Variants in LINGO2 observed in about 807,000 individuals in gnomAD.
The protein encoded by LINGO2 is leucine rich repeat and Ig domain containing 2, also known as leucine-rich repeat and immunoglobulin-like domain-containing nogo receptor-interacting protein 2.
LINGO2 carries 14 observed loss-of-function variants against 30.6 expected under a neutral mutation model. The ratio of observed to expected loss-of-function variants is 0.46; its 90% CI spans 0.30 to 0.72. The LOEUF (loss-of-function observed/expected upper bound fraction) is 0.72. Among genes scored for constraint, LINGO2 ranks in the 30% least tolerant of loss-of-function variants. The pLI is 0.07. For synonymous variants in LINGO2, 317 were observed against 288.5 expected (o/e 1.10, Z -1.00); for missense variants, 729 against 751.7 (o/e 0.97, Z 0.35).
At chr9:28,375,089 AACACACACACACACACACACAC>A (rs137914726) in intron 2 of LINGO2, among the ~76,000 whole-genome samples, 1 of 141,732 alleles carries the variant, frequency 7.1e-6, no homozygotes, top group Non-Finnish European at 1.5e-5. Context: ...CACACCCCTT[AACACACACACACACACACACAC>A]ACACACACAC....
the LINGO2 span, among the ~76,000 whole-genome samples, chr9:28,684,507 T>C: frequency 6.7e-6 from 1 of 149,800 alleles, no homozygotes; most frequent in Non-Finnish European, 1.5e-5. Flanking sequence ...TTTTTTCTTT[T>C]TTTAGATGGA....
the LINGO2 span, among the ~76,000 whole-genome samples, chr9:29,193,862 G>A: frequency 2.0e-5 from 3 of 152,170 alleles, no homozygotes; most frequent in Non-Finnish European, 4.4e-5. Context: ...TATGGGCCAT[G>A]CACCCATGCA....
chr9:28,682,297 C>T, the LINGO2 span, among the ~76,000 whole-genome samples: 1 of 152,320 alleles, frequency 6.6e-6, no homozygotes, highest in South Asian at 2.1e-4. Context: ...ACTATTAACA[C>T]AGTGGTCTTT....
the LINGO2 span, among the ~76,000 whole-genome samples, chr9:28,888,631 A>G: frequency 1.3e-5 from 2 of 152,264 alleles, no homozygotes; most frequent in African/African-American, 2.4e-5. Context: ...TGCTGAGTTT[A>G]CAAAGATAAG....
At chr9:28,986,555 A>G in the LINGO2 span, among the ~76,000 whole-genome samples, 23 of 151,952 alleles carry the variant, frequency 1.5e-4, no homozygotes, top group Non-Finnish European at 2.7e-4. Context: ...TCTTTCATCA[A>G]TGTTTTATAG....
chr9:28,966,136 A>G, the LINGO2 span, among the ~76,000 whole-genome samples: 308 of 152,196 alleles, frequency 2.0e-3, 1 homozygote, highest in Non-Finnish European at 2.9e-3. Context: ...AAAAGTTGAG[A>G]TTGAAAGGCC....
chr9:28,194,124 A>C (rs1044676555), intron 4 of LINGO2, among the ~76,000 whole-genome samples: 1 of 152,198 alleles, frequency 6.6e-6, no homozygotes, highest in Non-Finnish European at 1.5e-5. Context: ...GGGATTGTTG[A>C]AGTCAAATAG....
the LINGO2 span, among the ~76,000 whole-genome samples, chr9:28,875,830 C>A: frequency 6.6e-6 from 1 of 152,048 alleles, no homozygotes; most frequent in Non-Finnish European, 1.5e-5. Flanking sequence ...TTTTAACATA[C>A]CTCTGGTTTT....
At chr9:28,199,463 C>G (rs1820146906) in intron 4 of LINGO2, among the ~76,000 whole-genome samples, 1 of 151,850 alleles carries the variant, frequency 6.6e-6, no homozygotes, top group Non-Finnish European at 1.5e-5. Context: ...CTCAGCCTCC[C>G]GAGTAGCTGG....
At chr9:28,266,643 C>A (rs73429575) in intron 4 of LINGO2, among the ~76,000 whole-genome samples, 1,640 of 152,032 alleles carry the variant, frequency 0.011, 37 homozygotes, top group African/African-American at 0.038. Context: ...TTCCTAATAT[C>A]GAATGCCATC....
chr9:28,988,917 T>C, the LINGO2 span, among the ~76,000 whole-genome samples: 3 of 152,340 alleles, frequency 2.0e-5, no homozygotes, highest in Admixed American at 1.3e-4. Context: ...TTCAAAACTA[T>C]GTTCTGGTCT....
chr9:29,010,551 T>A, the LINGO2 span, among the ~76,000 whole-genome samples: 2 of 152,186 alleles, frequency 1.3e-5, no homozygotes, highest in African/African-American at 4.8e-5. Flanking sequence ...GCACATGTAT[T>A]CCTGTTATAA....
chr9:28,261,640 A>G (rs1009397182), intron 4 of LINGO2, among the ~76,000 whole-genome samples: 3 of 151,900 alleles, frequency 2.0e-5, no homozygotes, highest in Non-Finnish European at 4.4e-5. Flanking sequence ...AAATACCCCT[A>G]GAGACAGAGG....
At chr9:28,821,352 G>A in the LINGO2 span, among the ~76,000 whole-genome samples, 2 of 152,198 alleles carry the variant, frequency 1.3e-5, no homozygotes, top group Non-Finnish European at 2.9e-5. Context: ...CTAAACAAAA[G>A]CTGGGCTGAA....
intron 4 of LINGO2, among the ~76,000 whole-genome samples, chr9:28,015,700 G>A (rs563167931): frequency 2.6e-5 from 4 of 152,142 alleles, no homozygotes; most frequent in Non-Finnish European, 2.9e-5. Flanking sequence ...AATGTACATC[G>A]TGACAAACTA....
the LINGO2 span, among the ~76,000 whole-genome samples, chr9:29,025,517 T>A: frequency 4.6e-5 from 7 of 152,176 alleles, no homozygotes; most frequent in African/African-American, 1.7e-4. Flanking sequence ...GCCCTGCAGA[T>A]ACTTCTATGA....
intron 4 of LINGO2, among the ~76,000 whole-genome samples, chr9:28,242,336 T>A (rs764022960): frequency 1.5e-4 from 23 of 151,976 alleles, no homozygotes; most frequent in Non-Finnish European, 3.1e-4. Context: ...TACACAAGTA[T>A]AAATAGCAGA....
chr9:28,998,567 A>T, the LINGO2 span, among the ~76,000 whole-genome samples: 1 of 152,158 alleles, frequency 6.6e-6, no homozygotes, highest in African/African-American at 2.4e-5. Flanking sequence ...GAATTTTTTA[A>T]AGGTACAATT....
intron 5 of LINGO2, among the ~76,000 whole-genome samples, chr9:27,982,112 G>T (rs749290861): frequency 6.6e-6 from 1 of 151,736 alleles, no homozygotes; most frequent in Admixed American, 6.6e-5. Context: ...GGGCTGCAGG[G>T]TTACTATGGC....
Sources: gnomAD v4.1 joint callset for allele counts (sites outside exome capture counted in the v4.1 genomes callset) on GRCh38, gnomAD v4.1.1 for gene constraint, MANE v1.5 for transcripts, NCBI Gene and HGNC (gene_info 2026-07-23, HGNC 2026-07-21) for gene names.